The following LRMDA variants were observed in gnomAD, a reference collection of about 807,000 sequenced individuals.
LRMDA encodes the protein leucine-rich melanocyte differentiation-associated protein.
LRMDA carries 18 observed loss-of-function variants against 29.8 expected under a neutral mutation model. That is an observed-to-expected ratio of 0.60 (90% confidence interval 0.42 to 0.90). The LOEUF (loss-of-function observed/expected upper bound fraction) is 0.90, where lower values mean the gene tolerates loss of function less well. LRMDA is among the 40% of genes least tolerant of loss of function. LRMDA has a pLI of 0.00. For synonymous variants in LRMDA, 125 were observed against 109.4 expected (o/e 1.14, Z -0.89); for missense variants, 273 against 273.9 (o/e 1.00, Z 0.02).
intron 2 of LRMDA, among the ~76,000 whole-genome samples, chr10:75,481,472 G>T (rs1161305585): frequency 6.6e-6 from 1 of 152,176 alleles, no homozygotes; most frequent in African/African-American, 2.4e-5. Flanking sequence ...AGAAAGATTT[G>T]ATAGAATGGT....
chr10:75,702,916 C>A (rs1842325798), intron 2 of LRMDA, among the ~76,000 whole-genome samples: 2 of 152,156 alleles, frequency 1.3e-5, no homozygotes, highest in Non-Finnish European at 2.9e-5. Context: ...GGTCTCAGGA[C>A]TACAGATATC....
chr10:75,847,274 A>C (rs572669294), intron 2 of LRMDA, among the ~76,000 whole-genome samples: 22 of 152,224 alleles, frequency 1.4e-4, no homozygotes, highest in Non-Finnish European at 2.2e-4. Context: ...TCTCTTCAAC[A>C]AATGATGTTG....
chr10:76,502,037 T>C (rs1350063175), intron 6 of LRMDA, among the ~76,000 whole-genome samples: 1 of 151,898 alleles, frequency 6.6e-6, no homozygotes, highest in African/African-American at 2.4e-5. Flanking sequence ...ATTTTTTACA[T>C]GTGGTGAAGG....
At chr10:76,407,416 G>A (rs777460501) in intron 6 of LRMDA, among the ~76,000 whole-genome samples, 20 of 152,164 alleles carry the variant, frequency 1.3e-4, no homozygotes, top group Non-Finnish European at 2.4e-4. Context: ...CTGTACTCAC[G>A]TGGGGACTTG....
chr10:75,621,224 A>ACACACACC (rs1554816440), intron 2 of LRMDA, among the ~76,000 whole-genome samples: 19 of 143,164 alleles, frequency 1.3e-4, no homozygotes, highest in South Asian at 4.6e-4. Flanking sequence ...ACACACACAC[A>ACACACACC]CCCACACACC....
At chr10:76,501,874 T>C (rs1842913490) in intron 6 of LRMDA, among the ~76,000 whole-genome samples, 1 of 152,060 alleles carries the variant, frequency 6.6e-6, no homozygotes, top group South Asian at 2.1e-4. Context: ...TAGGGCTCAC[T>C]TGTCTATTTT....
intron 5 of LRMDA, among the ~76,000 whole-genome samples, chr10:76,249,805 G>A (rs777509560): frequency 1.3e-5 from 2 of 152,012 alleles, no homozygotes; most frequent in Non-Finnish European, 2.9e-5. Context: ...ATTTATTTAT[G>A]TATTTATTTA....
intron 5 of LRMDA, among the ~76,000 whole-genome samples, chr10:76,204,759 T>C (rs935037614): frequency 6.6e-6 from 1 of 152,228 alleles, no homozygotes; most frequent in African/African-American, 2.4e-5. Flanking sequence ...TAGGGCTTAA[T>C]TGTTGAATGA....
At chr10:75,638,838 T>C (rs905854126) in intron 2 of LRMDA, among the ~76,000 whole-genome samples, 1 of 152,192 alleles carries the variant, frequency 6.6e-6, no homozygotes, top group African/African-American at 2.4e-5. Context: ...CCCCCCTAAA[T>C]TGGGTATTAT....
chr10:76,120,230 C>T (rs1004981436), intron 5 of LRMDA, among the ~76,000 whole-genome samples: 5 of 151,134 alleles, frequency 3.3e-5, no homozygotes, highest in Admixed American at 6.6e-5. Flanking sequence ...ACTCTGTCAC[C>T]CAGGCTGGAG....
chr10:75,810,342 C>T (rs1021536509), intron 2 of LRMDA, among the ~76,000 whole-genome samples: 28 of 152,190 alleles, frequency 1.8e-4, no homozygotes, highest in East Asian at 9.7e-4. Flanking sequence ...GTAGCAGGAG[C>T]GAAAGCAGGG....
intron 6 of LRMDA, among the ~76,000 whole-genome samples, chr10:76,350,268 T>C (rs1427150574): frequency 6.6e-6 from 1 of 152,176 alleles, no homozygotes; most frequent in Non-Finnish European, 1.5e-5. Context: ...TTTAAAATGA[T>C]AGCTCTTATT....
chr10:76,323,683 A>G (rs1449615302), intron 5 of LRMDA, among the ~76,000 whole-genome samples: 1 of 152,110 alleles, frequency 6.6e-6, no homozygotes. Context: ...CTGAAAAGAG[A>G]GCCTTAGCAG....
Position 76,150,397 on chromosome 10 carries a change from G to T in LRMDA, c.516+91614G>T, listed in dbSNP as rs566699850. On this transcript the variant is annotated intron_variant, in intron 5 of 6. Coordinates refer to ENST00000611255, the MANE Select transcript of LRMDA (RefSeq NM_001305581.2). ...GGGCCTGAAGGGTGTTGTGGAATGT[G>T]CTTGGACCTGCTCTGTTTTCTTTCG... 2.0e-3 allele frequency among the ~76,000 whole-genome samples: 304 copies of T among 152,294 alleles called. 2 individuals are homozygous for T. The highest frequency in any genetic ancestry group is 7.1e-3 in the African/African-American group (296 of 41,566).
intron 6 of LRMDA, among the ~76,000 whole-genome samples, chr10:76,376,914 C>T (rs1841528679): frequency 1.1e-5 from 1 of 94,494 alleles, no homozygotes; most frequent in Non-Finnish European, 1.9e-5. Flanking sequence ...GAGACGTAGT[C>T]TCGCTCTGTT....
intron 5 of LRMDA, among the ~76,000 whole-genome samples, chr10:76,249,173 C>G (rs1255776771): frequency 6.6e-6 from 1 of 152,172 alleles, no homozygotes; most frequent in Admixed American, 6.5e-5. Flanking sequence ...TAAAAAAACT[C>G]AGATATTACT....
intron 5 of LRMDA, among the ~76,000 whole-genome samples, chr10:76,124,665 C>T (rs1205806909): frequency 6.6e-6 from 1 of 152,244 alleles, no homozygotes; most frequent in African/African-American, 2.4e-5. Flanking sequence ...GCCCCTTGGC[C>T]ACACAGTAGG....
intron 6 of LRMDA, among the ~76,000 whole-genome samples, chr10:76,354,995 C>T (rs539135023): frequency 1.3e-5 from 2 of 152,188 alleles, no homozygotes; most frequent in Non-Finnish European, 1.5e-5. Flanking sequence ...TTCTCTGAAA[C>T]GAAATTTTCA....
At chr10:76,329,223 T>G (rs1011984549) in intron 6 of LRMDA, among the ~76,000 whole-genome samples, 1 of 152,194 alleles carries the variant, frequency 6.6e-6, no homozygotes, top group African/African-American at 2.4e-5. Flanking sequence ...CAGTTCTCCC[T>G]CGAAGCTACA....
Sources: allele counts gnomAD v4.1 joint callset (sites outside exome capture counted in the v4.1 genomes callset), GRCh38; gene constraint gnomAD v4.1.1; transcripts MANE v1.5; gene names NCBI Gene and HGNC (gene_info 2026-07-23, HGNC 2026-07-21).